Variants in CLCA1 observed in about 807,000 individuals in gnomAD.
CLCA1 encodes the protein calcium-activated chloride channel regulator 1.
In CLCA1, 59 loss-of-function variants were observed where a neutral mutation model predicts 85.6. The observed-to-expected ratio is 0.69, with a 90% confidence interval of 0.56 to 0.86. The LOEUF (loss-of-function observed/expected upper bound fraction) is 0.86, where lower values mean the gene tolerates loss of function less well. CLCA1 is among the 40% of genes least tolerant of loss of function. The pLI is 0.00. For missense variants in CLCA1, 1,022 were observed against 1,101.4 expected, an observed-to-expected ratio of 0.93 and a Z score of 1.02; for synonymous variants, 396 against 398.3, an observed-to-expected ratio of 0.99 and a Z score of 0.07.
chr1:86,476,535 G>A lies in CLCA1; in HGVS notation c.539G>A (p.Gly180Glu), dbSNP rs781010387. 1.4e-5 allele frequency: 22 copies of A among 1,556,942 alleles called. No individual in the cohort carries two copies. Among genetic ancestry groups the A allele is most frequent in the Non-Finnish European group, 2.0e-5 (22 of 1,128,134 alleles). ...GATGAGAAATTCTACTTATCCAATG[G>A]AAGAATACAAGCAGTAAGGTATGTA... ...NNDEKFYLSNGRIQAVRCSAG... is the reference protein window; with the variant it reads ...NNDEKFYLSNERIQAVRCSAG... The change falls in exon 4 of 14, where the codon GGA (glycine) becomes GAA (glutamate). Residue 180 changes from glycine (G) to glutamate (E), a missense_variant. Transcript: ENST00000394711.
rs1225679716 is a variant in CLCA1, at chr1:86,498,553, G to C, written c.2114-19G>C. ...TTAGTGATGTTGCTTACCATATTTT[G>C]AGTATTTTTTTAATGCAGATGAAAT... On this transcript the variant is annotated intron_variant, in intron 12 of 13. Coordinates refer to ENST00000394711, the MANE Select transcript of CLCA1 (RefSeq NM_001285.4). 9 of 1,607,300 alleles carry C rather than the reference G, an allele frequency of 5.6e-6. No homozygotes were observed. The African/African-American group carries it at 9.4e-5, about 17-fold the overall frequency.
chr1:86,490,424 C>T lies in CLCA1; in HGVS notation c.1358-841C>T, dbSNP rs2791505. Among the ~76,000 whole-genome samples the T allele has an allele frequency of 7.7e-3, 1,173 of 152,274 alleles. 18 individuals are homozygous for T. The highest frequency in any genetic ancestry group is 0.028 in the African/African-American group (1,143 of 41,534). On this transcript the variant is annotated intron_variant, in intron 8 of 13. Coordinates refer to ENST00000394711, the MANE Select transcript of CLCA1 (RefSeq NM_001285.4). ...ACCTATTCTAAATAGCCCAGGACTG[C>T]CTGGCCTGGTGTAAAATCCTGTTTT... is the stretch of plus-strand genomic sequence containing the variant.
At chr1:86,480,199 T>C (rs1647780327) in intron 4 of CLCA1, among the ~76,000 whole-genome samples, 1 of 152,022 alleles carries the variant, frequency 6.6e-6, no homozygotes, top group Non-Finnish European at 1.5e-5. Context: ...TACATATAAA[T>C]TAAAAATTTT....
chr1:86,469,060 A>G lies in CLCA1; in HGVS notation c.89A>G (p.Asn30Ser), dbSNP rs1483882441. The G allele has an allele frequency of 3.7e-6, 6 of 1,613,008 alleles. No individual in the cohort carries two copies. The highest frequency in any genetic ancestry group is 3.3e-5 in the South Asian group (3 of 90,764). ...LSNSLIQLNN[N>S]GYEGIVVAID... ...AATTCACTCATTCAGCTGAACAACA[A>G]TGGCTATGAAGGCATTGTCGTTGCA... Residue 30 changes from asparagine to serine, a missense_variant, in exon 1 of 14, where the codon AAT becomes AGT. Coordinates refer to ENST00000394711, the MANE Select transcript of CLCA1 (RefSeq NM_001285.4).
intron 12 of CLCA1, 28 bp from the exon 13 acceptor site, chr1:86,498,544 C>G (rs1471622272): frequency 1.2e-6 from 2 of 1,603,874 alleles, no homozygotes. Flanking sequence ...ATGTTGCTTA[C>G]CATATTTTGA....
At chr1:86,489,468 A>G (rs921060710) in intron 8 of CLCA1, among the ~76,000 whole-genome samples, 6 of 152,180 alleles carry the variant, frequency 3.9e-5, no homozygotes, top group African/African-American at 1.4e-4. Context: ...TGGCCAAGAG[A>G]CCTAGGGGAG....
chr1:86,478,451 G>C (rs1647735162), intron 4 of CLCA1, among the ~76,000 whole-genome samples: 1 of 151,998 alleles, frequency 6.6e-6, no homozygotes, highest in African/African-American at 2.4e-5. Flanking sequence ...GAGAGAGAGA[G>C]AGACATCAAG....
At chr1:86,486,785 T>C in intron 7 of CLCA1, 32 bp downstream of exon 7, 1 of 1,592,122 alleles carries the variant, frequency 6.3e-7, no homozygotes, top group Non-Finnish European at 8.6e-7. Flanking sequence ...TAGTTTGGAA[T>C]GTTTGCAATT....
chr1:86,486,684 C>T lies in CLCA1; in HGVS notation c.1113C>T (p.Leu371=), dbSNP rs184789973. The T allele has an allele frequency of 5.0e-6, 8 of 1,614,174 alleles. No homozygotes were observed. Among genetic ancestry groups the T allele is most frequent in the East Asian group, 2.2e-5 (1 of 44,892 alleles). The change falls in exon 7 of 14, where the codon CTC becomes CTT. Residue 371 remains leucine, a synonymous_variant. Coordinates refer to ENST00000394711, the MANE Select transcript of CLCA1 (RefSeq NM_001285.4). ...ACAGTGGCAGTGACAGGGACACACT[C>T]GCCAAAAGATTACCTGCAGCAGCTT... ...QINSGSDRDT[L]AKRLPAAASG...
At chr1:86,480,254 G>GA (rs1385038040) in intron 4 of CLCA1, among the ~76,000 whole-genome samples, 1 of 151,924 alleles carries the variant, frequency 6.6e-6, no homozygotes, top group Admixed American at 6.6e-5. Context: ...GGAAAAAACA[G>GA]AAAAAGATAT....
At chr1:86,492,686 AC>A (rs1272438064) in intron 9 of CLCA1, among the ~76,000 whole-genome samples, 14 of 151,818 alleles carry the variant, frequency 9.2e-5, no homozygotes, top group African/African-American at 3.4e-4. Flanking sequence ...CCTCACTCCC[AC>A]TCTGCAGCTC....
chr1:86,496,367 A>T (rs1003317808), intron 12 of CLCA1, among the ~76,000 whole-genome samples: 1 of 152,210 alleles, frequency 6.6e-6, no homozygotes, highest in Non-Finnish European at 1.5e-5. Context: ...TGCTCAGGCC[A>T]GGGAGCATAG....
chr1:86,477,443 T>C (rs1178765139), intron 4 of CLCA1, among the ~76,000 whole-genome samples: 2 of 152,228 alleles, frequency 1.3e-5, no homozygotes, highest in Non-Finnish European at 2.9e-5. Flanking sequence ...AACGCTTGGC[T>C]GCCATGAATT....
chr1:86,494,838 T>G (rs1187236266), intron 11 of CLCA1, among the ~76,000 whole-genome samples: 1 of 152,220 alleles, frequency 6.6e-6, no homozygotes, highest in African/African-American at 2.4e-5. Context: ...TACAAAGATG[T>G]ATATAACCTT....
chr1:86,485,526 G>A lies in CLCA1; in HGVS notation c.919G>A (p.Val307Met). ...ATTGCTGCAGATTGGACAAAGAATT[G>A]TGTGTTTAGTCCTTGACAAATCTGG... ...FSLLQIGQRI[V>M]CLVLDKSGSM... Residue 307 changes from valine to methionine, a missense_variant, in exon 6 of 14, where the codon GTG (valine) becomes ATG (methionine). Transcript: ENST00000394711. The A allele has an allele frequency of 6.2e-7, 1 of 1,614,164 alleles. No individual in the cohort carries two copies. The highest frequency in any genetic ancestry group is 1.1e-5 in the South Asian group (1 of 91,086).
At chr1:86,478,049 C>T (rs760409804) in intron 4 of CLCA1, among the ~76,000 whole-genome samples, 57 of 152,172 alleles carry the variant, frequency 3.7e-4, no homozygotes, top group Non-Finnish European at 6.2e-4. Context: ...CTTTACTTTT[C>T]TCTTTCTTTA....
chr1:86,472,162 G>T lies in CLCA1; in HGVS notation c.163-1255G>T, dbSNP rs184985367. 4.6e-5 allele frequency among the ~76,000 whole-genome samples: 7 copies of T among 152,080 alleles called. No homozygotes were observed. In the East Asian group the frequency reaches 1.3e-3, roughly 29 times the overall value. On this transcript the variant is annotated intron_variant, in intron 1 of 13. Coordinates refer to ENST00000394711, the MANE Select transcript of CLCA1 (RefSeq NM_001285.4). ...AGTTCACAGAAAAACTTCTGAACCTGTTGTTGTCTGTATTTACTGTCTCCA... is the reference window on the plus strand; with the variant it reads ...AGTTCACAGAAAAACTTCTGAACCTTTTGTTGTCTGTATTTACTGTCTCCA...
At chr1:86,487,862 T>C (rs1387226737) in intron 7 of CLCA1, among the ~76,000 whole-genome samples, 2 of 152,202 alleles carry the variant, frequency 1.3e-5, no homozygotes, top group Middle Eastern at 3.2e-3. Flanking sequence ...GTGGCAACAT[T>C]TGCCTGTTTT....
At chr1:86,487,082 G>A (rs1257857511) in intron 7 of CLCA1, among the ~76,000 whole-genome samples, 1 of 152,200 alleles carries the variant, frequency 6.6e-6, no homozygotes, top group Admixed American at 6.5e-5. Flanking sequence ...ATGGCCTGAT[G>A]TGGACAATGG....
Sources: gnomAD v4.1 joint callset for allele counts (sites outside exome capture counted in the v4.1 genomes callset) on GRCh38, gnomAD v4.1.1 for gene constraint, MANE v1.5 for transcripts, NCBI Gene and HGNC (gene_info 2026-07-23, HGNC 2026-07-21) for gene names.